The following UGT8 variants were observed in gnomAD, a reference collection of about 807,000 sequenced individuals.
The protein encoded by UGT8 is UDP glycosyltransferase 8.
Under a neutral mutation model 40.5 loss-of-function variants are expected in UGT8, and 12 were observed. The observed-to-expected ratio is 0.30, with a 90% CI of 0.19 to 0.48. The LOEUF is 0.48. Ranked by LOEUF, UGT8 falls within the 20% of genes least tolerant of loss-of-function variation. The pLI, the probability that UGT8 is intolerant of heterozygous loss-of-function variation, is 0.99. For synonymous variants in UGT8, 224 were observed against 240.4 expected (o/e 0.93, Z 0.63); for missense variants, 513 against 648.7 (o/e 0.79, Z 2.27).
intron 1 of UGT8, among the ~76,000 whole-genome samples, chr4:114,601,086 G>T (rs1288616392): frequency 1.3e-5 from 2 of 152,086 alleles, no homozygotes; most frequent in Non-Finnish European, 2.9e-5. Context: ...TACTATACAG[G>T]TTCAAACTCT....
intron 2 of UGT8, among the ~76,000 whole-genome samples, chr4:114,643,895 T>C (rs1733384583): frequency 2.0e-5 from 3 of 152,204 alleles, no homozygotes; most frequent in Non-Finnish European, 4.4e-5. Context: ...TGGTTCCTCC[T>C]TAGAAATGTC....
At chr4:114,665,779 C>T (rs1734826524) in intron 4 of UGT8, 23 bp downstream of exon 4, 1 of 1,561,702 alleles carries the variant, frequency 6.4e-7, no homozygotes, top group South Asian at 1.2e-5. Context: ...TGTGTGGTTA[C>T]TTACTTGGCT....
intron 2 of UGT8, among the ~76,000 whole-genome samples, chr4:114,637,219 T>C (rs1732938872): frequency 6.6e-6 from 1 of 152,186 alleles, no homozygotes; most frequent in Non-Finnish European, 1.5e-5. Flanking sequence ...GGCAGCATTT[T>C]CATCTGCATC....
chr4:114,650,777 A>G (rs1316221471), intron 2 of UGT8, among the ~76,000 whole-genome samples: 1 of 152,168 alleles, frequency 6.6e-6, no homozygotes, highest in Non-Finnish European at 1.5e-5. Flanking sequence ...AACAACAACA[A>G]CAAAACAAAA....
intron 2 of UGT8, among the ~76,000 whole-genome samples, chr4:114,626,429 T>C (rs1330213703): frequency 6.6e-6 from 1 of 152,206 alleles, no homozygotes; most frequent in Non-Finnish European, 1.5e-5. Context: ...GTTTTCCAGA[T>C]GTCTGTAAAT....
At chr4:114,668,843 T>C (rs989667993) in intron 5 of UGT8, among the ~76,000 whole-genome samples, 2 of 152,206 alleles carry the variant, frequency 1.3e-5, no homozygotes, top group African/African-American at 4.8e-5. Flanking sequence ...CTCAGGTGAA[T>C]GATGAAGCAG....
chr4:114,626,804 G>T (rs1248254769), intron 2 of UGT8, among the ~76,000 whole-genome samples: 1 of 152,178 alleles, frequency 6.6e-6, no homozygotes, highest in East Asian at 1.9e-4. Flanking sequence ...ATAAAACCAT[G>T]CAGAGACAGC....
At chr4:114,647,202 G>A (rs757600789) in intron 2 of UGT8, among the ~76,000 whole-genome samples, 27 of 152,210 alleles carry the variant, frequency 1.8e-4, no homozygotes, top group Non-Finnish European at 3.4e-4. Context: ...TATAAAAGAT[G>A]TCAACTGCTT....
intron 2 of UGT8, among the ~76,000 whole-genome samples, chr4:114,661,524 C>T (rs953139012): frequency 7.2e-5 from 11 of 152,156 alleles, no homozygotes; most frequent in African/African-American, 2.7e-4. Context: ...ACTTCTGGCT[C>T]TTGCATCTGT....
At chr4:114,629,791 T>C (rs1337015176) in intron 2 of UGT8, among the ~76,000 whole-genome samples, 1 of 152,204 alleles carries the variant, frequency 6.6e-6, no homozygotes, top group Non-Finnish European at 1.5e-5. Flanking sequence ...AGATCCAATA[T>C]ATGAACGGAA....
chr4:114,663,440 G>A (rs918437638), intron 2 of UGT8, among the ~76,000 whole-genome samples: 1 of 152,056 alleles, frequency 6.6e-6, no homozygotes, highest in Non-Finnish European at 1.5e-5. Context: ...GGAAACTGAA[G>A]CTGGGTGTCT....
chr4:114,611,605 A>G (rs1010132597), intron 1 of UGT8, among the ~76,000 whole-genome samples: 7 of 149,012 alleles, frequency 4.7e-5, no homozygotes, highest in Non-Finnish European at 8.9e-5. Context: ...ATAATCATAG[A>G]TACTTGGAAG....
chr4:114,668,899 C>T (rs922685238), intron 5 of UGT8, among the ~76,000 whole-genome samples: 2 of 152,148 alleles, frequency 1.3e-5, no homozygotes. Flanking sequence ...CTGAGTTAAG[C>T]TAGTTCACCA....
chr4:114,671,879 G>A (rs1418391165), intron 5 of UGT8, among the ~76,000 whole-genome samples: 1 of 152,174 alleles, frequency 6.6e-6, no homozygotes, highest in African/African-American at 2.4e-5. Context: ...TCATCAGAGT[G>A]AAAGGCAACC....
Position 114,623,641 on chromosome 4 carries a change from C to A in UGT8, c.761C>A (p.Thr254Asn). ...TDVALEFPRPTLPNVVYVGGI... is the reference protein window; with the variant it reads ...TDVALEFPRPNLPNVVYVGGI... ...GTAGCACTGGAATTCCCAAGACCCA[C>A]TCTGCCTAATGTTGTTTATGTAGGA... Residue 254 changes from threonine to asparagine, a missense_variant, in exon 2 of 6, where the codon ACT becomes AAT. By Grantham distance (65) the Thr-to-Asn change is moderately conservative. Coordinates refer to ENST00000310836, the MANE Select transcript of UGT8 (RefSeq NM_001128174.3). 6.2e-7 allele frequency: 1 copy of A among 1,614,038 alleles called. No homozygotes were observed. Among genetic ancestry groups the A allele is most frequent in the South Asian group, 1.1e-5 (1 of 91,072 alleles).
chr4:114,649,602 T>C (rs2126120869), intron 2 of UGT8, among the ~76,000 whole-genome samples: 1 of 152,320 alleles, frequency 6.6e-6, no homozygotes, highest in African/African-American at 2.4e-5. Context: ...GCTTGGCTGC[T>C]GCATTCTGGC....
rs55742419 is a variant in UGT8, at chr4:114,611,546, T to TATATACAC, written c.-2-11332_-2-11331insTATACACA. 5.0e-5 allele frequency among the ~76,000 whole-genome samples: 7 copies of TATATACAC among 140,638 alleles called. No individual in the cohort carries two copies. The South Asian group carries it at 1.1e-3, about 22-fold the overall frequency. The allele number at this position is 140,638 out of a possible 152,430, so 92.3% of individuals were successfully genotyped here. A position where few individuals can be genotyped will look rare whatever the true frequency, so the allele number is the denominator to read the frequency against. ...ATATATCCATATATATATATATATA[T>TATATACAC]ACACACACACAGATGTTAGAAGACA... On this transcript the variant is annotated intron_variant, in intron 1 of 5. Transcript: ENST00000310836.
chr4:114,674,838 T>C (rs1735520571), intron 5 of UGT8, among the ~76,000 whole-genome samples: 1 of 152,262 alleles, frequency 6.6e-6, no homozygotes, highest in Non-Finnish European at 1.5e-5. Flanking sequence ...AATTATTTCT[T>C]ATGTCTAAAC....
chr4:114,659,128 G>A (rs146870643), intron 2 of UGT8, among the ~76,000 whole-genome samples: 40 of 152,228 alleles, frequency 2.6e-4, no homozygotes, highest in Non-Finnish European at 5.3e-4. Flanking sequence ...ACAAATCAGT[G>A]TCTATCCGGA....
Sources: allele counts gnomAD v4.1 joint callset (sites outside exome capture counted in the v4.1 genomes callset), GRCh38; gene constraint gnomAD v4.1.1; transcripts MANE v1.5; gene names NCBI Gene and HGNC (gene_info 2026-07-23, HGNC 2026-07-21).